SLC35A3: variants seen among roughly 807,000 people sequenced by gnomAD.
SLC35A3 encodes solute carrier family 35 member A3.
A neutral mutation model predicts 39.0 loss-of-function variants in SLC35A3; 26 were observed. The ratio of observed to expected loss-of-function variants is 0.67; its 90% confidence interval spans 0.49 to 0.92. The LOEUF (loss-of-function observed/expected upper bound fraction) is 0.92, where lower values mean the gene tolerates loss of function less well. Among genes scored for constraint, SLC35A3 ranks in the 40% least tolerant of loss-of-function variants. SLC35A3 has a pLI of 0.00. For synonymous variants in SLC35A3, 135 were observed against 133.1 expected (o/e 1.01, Z -0.10); for missense variants, 299 against 371.6 (o/e 0.80, Z 1.61).
chr1:99,986,625 T>C (rs1241559680), intron 1 of SLC35A3, among the ~76,000 whole-genome samples: 1 of 152,160 alleles, frequency 6.6e-6, no homozygotes, highest in African/African-American at 2.4e-5. Flanking sequence ...CCTCTCTTTG[T>C]TACTCAGGCT....
rs953579701 is a variant in SLC35A3 at position 100,033,695 on chromosome 1, A to G, written c.*11219A>G. Reference sequence around the variant, plus strand: ...AATGATGTTCTTTGACTCTTATCTAATTGTCTATGTGACCGTCAGTGAATA... The same window carrying G: ...AATGATGTTCTTTGACTCTTATCTAGTTGTCTATGTGACCGTCAGTGAATA... On this transcript the variant is annotated 3_prime_UTR_variant, in exon 8 of 8. Coordinates refer to ENST00000533028, the MANE Select transcript of SLC35A3 (RefSeq NM_012243.3). 2.6e-5 allele frequency: 4 copies of G among 151,988 alleles called. No homozygotes were observed. Among genetic ancestry groups the G allele is most frequent in the African/African-American group, 9.7e-5 (4 of 41,390 alleles). 9.4% of individuals were successfully genotyped at this position (151,988 alleles called of 1,614,324 possible).
At chr1:100,002,782 A>ATT (rs35227168) in intron 3 of SLC35A3, among the ~76,000 whole-genome samples, 40 of 145,568 alleles carry the variant, frequency 2.7e-4, no homozygotes, top group African/African-American at 3.8e-4. Context: ...ATGCCGGTTA[A>ATT]TTTTTTTTTT....
chr1:99,988,624 C>T (rs533498985), intron 1 of SLC35A3, among the ~76,000 whole-genome samples: 1 of 146,020 alleles, frequency 6.8e-6, no homozygotes, highest in East Asian at 2.1e-4. Context: ...CTGTCCCTCC[C>T]CTCCCCTCCT....
chr1:100,010,983 T>G (rs1659591566), intron 4 of SLC35A3, among the ~76,000 whole-genome samples: 1 of 152,174 alleles, frequency 6.6e-6, no homozygotes, highest in African/African-American at 2.4e-5. Flanking sequence ...GAACACTACT[T>G]TCCAGCTGAT....
intron 1 of SLC35A3, among the ~76,000 whole-genome samples, chr1:99,988,190 G>A (rs542361569): frequency 2.6e-5 from 4 of 152,036 alleles, no homozygotes; most frequent in Non-Finnish European, 4.4e-5. Flanking sequence ...CTCAACCCCA[G>A]CCCCTATCTG....
chr1:100,007,175 T>A lies in SLC35A3; in HGVS notation c.465+19T>A. 1 of 1,563,672 alleles carries A rather than the reference T, an allele frequency of 6.4e-7. No individual in the cohort carries two copies. Among genetic ancestry groups the A allele is most frequent in the Non-Finnish European group, 8.7e-7 (1 of 1,149,946 alleles). The stretch of plus-strand genomic sequence containing the variant: ...TGTACAGGTAACTATTCAAGATAAG[T>A]ATATATTTTTATCTTTATTGTGGTT... On this transcript the variant is annotated intron_variant, in intron 4 of 7. Transcript: ENST00000533028.
At chr1:99,978,420 A>G (rs908056201) in intron 1 of SLC35A3, among the ~76,000 whole-genome samples, 1 of 152,196 alleles carries the variant, frequency 6.6e-6, no homozygotes, top group African/African-American at 2.4e-5. Context: ...GCAGCTACTC[A>G]GGAGGCTGAG....
rs71970416 is a variant in SLC35A3, at chr1:99,997,410, T to TTATATA, written c.188-1809_188-1804dup. ...ACAGTTATATGTTTTATATATAGTT[T>TTATATA]TATATATATATATATATATATATAT... On this transcript the variant is annotated intron_variant, in intron 2 of 7. Coordinates refer to ENST00000533028, the MANE Select transcript of SLC35A3 (RefSeq NM_012243.3). Among the ~76,000 whole-genome samples the TTATATA allele has an allele frequency of 8.9e-3, 816 of 91,570 alleles. 51 individuals are homozygous for TTATATA. Among genetic ancestry groups the TTATATA allele is most frequent in the African/African-American group, 0.012 (229 of 18,556 alleles). The allele number at this position is 91,570 out of a possible 152,430, so 60.1% of individuals were successfully genotyped here. A position where few individuals can be genotyped will look rare whatever the true frequency, so the allele number is the denominator to read the frequency against.
intron 1 of SLC35A3, among the ~76,000 whole-genome samples, chr1:99,975,885 C>T (rs1467005549): frequency 6.6e-6 from 1 of 152,078 alleles, no homozygotes; most frequent in Admixed American, 6.6e-5. Flanking sequence ...TGAAGCAAGA[C>T]CCCGGCTCCA....
chr1:100,023,888 T>G lies in SLC35A3; in HGVS notation c.*1412T>G, dbSNP rs1292330664. 2 of 152,320 alleles carry G rather than the reference T, an allele frequency of 1.3e-5. No individual in the cohort carries two copies. Among genetic ancestry groups the G allele is most frequent in the Non-Finnish European group, 2.9e-5 (2 of 68,322 alleles). 9.4% of individuals were successfully genotyped at this position (152,320 alleles called of 1,614,324 possible). On this transcript the variant is annotated 3_prime_UTR_variant, in exon 8 of 8. Coordinates refer to ENST00000533028, the MANE Select transcript of SLC35A3 (RefSeq NM_012243.3). ...TGGGTGTGGTGGCACGCACCTGTAG[T>G]CCCAGCTACTCGGGAGACTGAGGCA... is the stretch of plus-strand genomic sequence containing the variant.
At chr1:100,019,574 A>G (rs112336724) in intron 7 of SLC35A3, among the ~76,000 whole-genome samples, 3 of 152,276 alleles carry the variant, frequency 2.0e-5, no homozygotes, top group Admixed American at 6.5e-5. Flanking sequence ...TCTTCATTCA[A>G]TTCTATCCTA....
At chr1:99,976,600 T>C (rs1184861210) in intron 1 of SLC35A3, among the ~76,000 whole-genome samples, 1 of 152,212 alleles carries the variant, frequency 6.6e-6, no homozygotes, top group Non-Finnish European at 1.5e-5. Context: ...AAAACTATGA[T>C]ACATATACAC....
chr1:99,972,468 T>C (rs923831259), intron 1 of SLC35A3, among the ~76,000 whole-genome samples: 10 of 151,480 alleles, frequency 6.6e-5, no homozygotes, highest in Non-Finnish European at 2.9e-5. Context: ...CTCGAGTAGC[T>C]GGGACTACAG....
At chr1:100,011,751 G>A (rs932093379) in intron 5 of SLC35A3, among the ~76,000 whole-genome samples, 6 of 145,644 alleles carry the variant, frequency 4.1e-5, no homozygotes, top group Non-Finnish European at 7.5e-5. Flanking sequence ...ACAGATTCTC[G>A]CTCTCTCGCC....
chr1:99,977,329 C>T lies in SLC35A3; in HGVS notation c.-19+7167C>T, dbSNP rs563844149. ...GGTCAGGAGTTTGAGAACAGCCTGA[C>T]GAACATCGCGAAACTCCGTCTCTAT... is the stretch of plus-strand genomic sequence containing the variant. On this transcript the variant is annotated intron_variant, in intron 1 of 7. Transcript: ENST00000533028. 3.7e-5 allele frequency among the ~76,000 whole-genome samples: 5 copies of T among 136,070 alleles called. No homozygotes were observed. The East Asian group carries it at 1.0e-3, about 28-fold the overall frequency. 89.3% of individuals were successfully genotyped at this position (136,070 alleles called of 152,430 possible).
intron 3 of SLC35A3, among the ~76,000 whole-genome samples, chr1:100,003,971 T>G (rs1408615282): frequency 6.6e-6 from 1 of 152,250 alleles, no homozygotes; most frequent in African/African-American, 2.4e-5. Flanking sequence ...GCATGGAATA[T>G]CTCTCTATCC....
At chr1:99,983,179 T>G (rs1030257756) in intron 1 of SLC35A3, among the ~76,000 whole-genome samples, 11 of 152,130 alleles carry the variant, frequency 7.2e-5, no homozygotes, top group African/African-American at 1.2e-4. Context: ...TGTGTGTGTG[T>G]GGGTGTGTGT....
At position 100,027,364 on chromosome 1, in the gene SLC35A3, A is replaced by G; in HGVS notation, c.*4888A>G. The G allele has an allele frequency of 2.6e-6, 1 of 390,340 alleles. No homozygotes were observed. The highest frequency in any genetic ancestry group is 4.5e-6 in the Non-Finnish European group (1 of 221,436). The allele number at this position is 390,340 out of a possible 1,614,324, so 24.2% of individuals were successfully genotyped here. ...CTACTCAGGAGGCTGAGGCAGAAGG[A>G]TTGCTTGAGCCCAGCAATTTGATGC... On this transcript the variant is annotated 3_prime_UTR_variant, in exon 8 of 8. Coordinates refer to ENST00000533028, the MANE Select transcript of SLC35A3 (RefSeq NM_012243.3).
intron 1 of SLC35A3, among the ~76,000 whole-genome samples, chr1:99,979,849 C>A (rs1289535753): frequency 6.6e-6 from 1 of 151,830 alleles, no homozygotes; most frequent in East Asian, 2.0e-4. Context: ...TTCGAGACCA[C>A]CCTGGCCAAC....
Sources: gnomAD v4.1 joint callset for allele counts (sites outside exome capture counted in the v4.1 genomes callset) on GRCh38, gnomAD v4.1.1 for gene constraint, MANE v1.5 for transcripts, NCBI Gene and HGNC (gene_info 2026-07-23, HGNC 2026-07-21) for gene names.